Variants in TRDN observed in about 807,000 individuals in gnomAD.
TRDN encodes the protein triadin in skeletal muscle.
In TRDN, 161 loss-of-function variants were observed where a neutral mutation model predicts 149.7. That is an observed-to-expected ratio of 1.08 (90% CI 0.95 to 1.23). The LOEUF (loss-of-function observed/expected upper bound fraction) is 1.23, where lower values mean the gene tolerates loss of function less well. TRDN is among the 50% of genes most tolerant of loss of function. The probability of loss-of-function intolerance (pLI) is 0.00; values close to 1 mark genes in which losing one functional copy is unlikely to be tolerated. For missense variants in TRDN, 896 were observed against 823.5 expected (o/e 1.09, Z -1.08); for synonymous variants, 294 against 250.5 (o/e 1.17, Z -1.64).
At chr6:123,612,775 G>A (rs1435148146) in intron 1 of TRDN, among the ~76,000 whole-genome samples, 1 of 152,096 alleles carries the variant, frequency 6.6e-6, no homozygotes, top group Non-Finnish European at 1.5e-5. Context: ...ACCAGTGCGT[G>A]GAAATATTTA....
chr6:123,557,059 C>T (rs1488634073), intron 2 of TRDN, among the ~76,000 whole-genome samples: 2 of 151,292 alleles, frequency 1.3e-5, no homozygotes, highest in Non-Finnish European at 2.9e-5. Flanking sequence ...GTGACCCCCC[C>T]ACCCCTGCCC....
chr6:123,331,769 G>A (rs1779667930), intron 23 of TRDN, 110 bp downstream of exon 23: 2 of 632,564 alleles, frequency 3.2e-6, no homozygotes, highest in African/African-American at 3.8e-5. Context: ...AACATATGAA[G>A]GCTATGGTTT....
intron 12 of TRDN, among the ~76,000 whole-genome samples, chr6:123,432,825 A>G (rs1774387933): frequency 6.6e-6 from 1 of 151,952 alleles, no homozygotes; most frequent in African/African-American, 2.4e-5. Context: ...CTATAATACC[A>G]AGCTCTTAAC....
At chr6:123,307,130 C>T (rs745842247) in intron 24 of TRDN, among the ~76,000 whole-genome samples, 22 of 151,898 alleles carry the variant, frequency 1.4e-4, no homozygotes, top group Non-Finnish European at 2.2e-4. Flanking sequence ...AACCATCCTC[C>T]GGATTTGGCA....
rs1777415725 is a variant in TRDN, at chr6:123,277,568, G to A, written c.1567+750C>T. ...ACTTATTAGAGGAGAAGGGTTTACAGAGCTAGAGACACAAAGGGAGAAGGT... is the reference window on the plus strand; with the variant it reads ...ACTTATTAGAGGAGAAGGGTTTACAAAGCTAGAGACACAAAGGGAGAAGGT... On this transcript the variant is annotated intron_variant, in intron 26 of 40. Coordinates refer to ENST00000334268, the MANE Select transcript of TRDN (RefSeq NM_006073.4). 1.3e-5 allele frequency among the ~76,000 whole-genome samples: 2 copies of A among 152,120 alleles called. 1 individual carries two copies. The highest frequency in any genetic ancestry group is 4.1e-4 in the South Asian group (2 of 4,830).
chr6:123,532,603 C>T (rs532845009), intron 4 of TRDN, among the ~76,000 whole-genome samples: 14 of 152,024 alleles, frequency 9.2e-5, no homozygotes, highest in African/African-American at 3.4e-4. Flanking sequence ...TTCAAAAATG[C>T]CTGGCCAGTT....
intron 12 of TRDN, among the ~76,000 whole-genome samples, chr6:123,400,828 A>T (rs1388151881): frequency 6.6e-6 from 1 of 152,230 alleles, no homozygotes; most frequent in African/African-American, 2.4e-5. Flanking sequence ...AGAAAATAAG[A>T]AACACACACA....
At chr6:123,221,143 A>C (rs1189125240) in intron 40 of TRDN, among the ~76,000 whole-genome samples, 1 of 151,768 alleles carries the variant, frequency 6.6e-6, no homozygotes, top group Non-Finnish European at 1.5e-5. Flanking sequence ...ATATAAAAAA[A>C]TTTGGCATAT....
At chr6:123,255,557 A>G (rs1049286400) in intron 36 of TRDN, among the ~76,000 whole-genome samples, 2 of 152,174 alleles carry the variant, frequency 1.3e-5, no homozygotes, top group African/African-American at 2.4e-5. Context: ...TAGTTTGCCA[A>G]ATAAATAAAC....
At chr6:123,280,652 CTTTTTT>C (rs34195939) in intron 24 of TRDN, among the ~76,000 whole-genome samples, 2 of 135,538 alleles carry the variant, frequency 1.5e-5, no homozygotes, top group Admixed American at 7.6e-5. Context: ...TCTTTTCTTT[CTTTTTT>C]TTTTTTTTTG....
intron 20 of TRDN, among the ~76,000 whole-genome samples, chr6:123,356,599 A>C (rs1363799627): frequency 1.4e-5 from 2 of 145,974 alleles, no homozygotes; most frequent in Non-Finnish European, 3.0e-5. Context: ...AACCCCATAT[A>C]ATGAGAGAAT....
chr6:123,452,233 G>A (rs1775819812), intron 10 of TRDN, among the ~76,000 whole-genome samples: 1 of 152,098 alleles, frequency 6.6e-6, no homozygotes, highest in Admixed American at 6.5e-5. Flanking sequence ...CATAGTACTA[G>A]AAGTCCTAGC....
chr6:123,301,752 C>CAT (rs776895792), intron 24 of TRDN, among the ~76,000 whole-genome samples: 14,176 of 77,094 alleles, frequency 0.18, 1,388 homozygotes, highest in South Asian at 0.32. Flanking sequence ...TATATATATA[C>CAT]ATATATATAT....
At chr6:123,507,533 G>T (rs1778986351) in intron 7 of TRDN, among the ~76,000 whole-genome samples, 1 of 151,972 alleles carries the variant, frequency 6.6e-6, no homozygotes. Flanking sequence ...CTATAATAAA[G>T]AAAATATCAT....
At chr6:123,446,450 T>G (rs952961288) in intron 10 of TRDN, among the ~76,000 whole-genome samples, 2 of 151,354 alleles carry the variant, frequency 1.3e-5, no homozygotes, top group African/African-American at 4.9e-5. Context: ...GGTGGCGTGG[T>G]GGTGGGCACC....
chr6:123,489,588 T>C (rs1473361161), intron 9 of TRDN: 1 of 152,178 alleles, frequency 6.6e-6, no homozygotes, highest in Non-Finnish European at 1.5e-5. Context: ...TGTGACAGCA[T>C]TGGACAATTT....
At chr6:123,585,303 G>A (rs573492849) in intron 1 of TRDN, among the ~76,000 whole-genome samples, 7 of 151,886 alleles carry the variant, frequency 4.6e-5, no homozygotes, top group Non-Finnish European at 1.0e-4. Context: ...ATTAAAAGGA[G>A]TGCTTAAAAG....
At chr6:123,546,654 A>T (rs533536843) in intron 4 of TRDN, among the ~76,000 whole-genome samples, 1 of 151,928 alleles carries the variant, frequency 6.6e-6, no homozygotes, top group Admixed American at 6.6e-5. Context: ...TGCAGTTCCT[A>T]CCCCTTCCTG....
Position 123,217,723 on chromosome 6 carries a change from G to A in TRDN, c.*878C>T, listed in dbSNP as rs529329990. The A allele has an allele frequency of 1.2e-3, 186 of 152,060 alleles. No homozygotes were observed. The highest frequency in any genetic ancestry group is 4.3e-3 in the African/African-American group (180 of 41,520). The allele number at this position is 152,060 out of a possible 1,614,324, so 9.4% of individuals were successfully genotyped here. On this transcript the variant is annotated 3_prime_UTR_variant, in exon 41 of 41. Coordinates refer to ENST00000334268, the MANE Select transcript of TRDN (RefSeq NM_006073.4). ...AAACATTTTACTTCACAGAAAGAAT[G>A]TATTAAAGTGAAATGAAAATATTTT...
Sources: allele counts gnomAD v4.1 joint callset (sites outside exome capture counted in the v4.1 genomes callset), GRCh38; gene constraint gnomAD v4.1.1; transcripts MANE v1.5; gene names NCBI Gene and HGNC (gene_info 2026-07-23, HGNC 2026-07-21).